Variants in SEPTIN7 observed in about 807,000 individuals in gnomAD.
SEPTIN7 encodes the protein septin 7.
A neutral mutation model predicts 63.3 loss-of-function variants in SEPTIN7; 10 were observed. That is an observed-to-expected ratio of 0.16 (90% CI 0.10 to 0.27). The LOEUF is 0.27. Among genes scored for constraint, SEPTIN7 ranks in the 10% least tolerant of loss-of-function variants. The probability of loss-of-function intolerance (pLI) is 1.00; values close to 1 mark genes in which losing one functional copy is unlikely to be tolerated. For synonymous variants in SEPTIN7, 131 were observed against 165.3 expected (o/e 0.79, Z 1.59); for missense variants, 310 against 521.0 (o/e 0.59, Z 3.94).
intron 3 of SEPTIN7, among the ~76,000 whole-genome samples, chr7:35,848,639 G>C (rs1784813070): frequency 6.6e-6 from 1 of 152,172 alleles, no homozygotes; most frequent in Admixed American, 6.6e-5. Context: ...ACTGTTTTCA[G>C]TTTAGCAAAA....
At chr7:35,907,348 A>C (rs1192894619), downstream of SEPTIN7, among the ~76,000 whole-genome samples, 2 of 152,146 alleles carry the variant, frequency 1.3e-5, no homozygotes, top group Admixed American at 6.5e-5. Flanking sequence ...TGTAATAAAA[A>C]CTTCCCATAA....
the SEPTIN7 span, among the ~76,000 whole-genome samples, chr7:35,915,385 G>A: frequency 2.0e-5 from 3 of 152,226 alleles, no homozygotes; most frequent in East Asian, 3.9e-4. Flanking sequence ...TATCTGAATT[G>A]TTTTCATTTT....
At chr7:35,912,261 A>G in the SEPTIN7 span, among the ~76,000 whole-genome samples, 3 of 152,240 alleles carry the variant, frequency 2.0e-5, no homozygotes, top group Non-Finnish European at 2.9e-5. Context: ...AAGGCAAGGA[A>G]CACCTGGCCT....
downstream of SEPTIN7, among the ~76,000 whole-genome samples, chr7:35,910,447 T>G (rs1008615024): frequency 2.6e-5 from 4 of 152,252 alleles, no homozygotes; most frequent in Non-Finnish European, 1.5e-5. Context: ...TTGAAGGTGC[T>G]GATAATGTTT....
intron 3 of SEPTIN7, among the ~76,000 whole-genome samples, chr7:35,848,968 G>T (rs1784825894): frequency 6.6e-6 from 1 of 152,172 alleles, no homozygotes; most frequent in Non-Finnish European, 1.5e-5. Context: ...GGTAATTATT[G>T]AGTAGCTGGT....
intron 6 of SEPTIN7, among the ~76,000 whole-genome samples, chr7:35,876,647 G>A (rs1786490819): frequency 6.6e-6 from 1 of 152,150 alleles, no homozygotes; most frequent in Non-Finnish European, 1.5e-5. Flanking sequence ...AGGCAACATA[G>A]TGAGATCCCA....
intron 13 of SEPTIN7, 100 bp from the exon 14 acceptor site, chr7:35,904,154 A>G: frequency 1.3e-6 from 1 of 788,288 alleles, no homozygotes; most frequent in South Asian, 3.3e-5. Context: ...GTATCTGAAA[A>G]TCCCAACATT....
At chr7:35,862,127 G>GAAGTA (rs1436302903) in intron 3 of SEPTIN7, among the ~76,000 whole-genome samples, 2 of 152,070 alleles carry the variant, frequency 1.3e-5, no homozygotes, top group Admixed American at 6.6e-5. Context: ...GAAGTTTACA[G>GAAGTA]CACCCAGAAG....
intron 10 of SEPTIN7, among the ~76,000 whole-genome samples, chr7:35,886,364 A>C (rs1251799721): frequency 6.6e-6 from 1 of 152,208 alleles, no homozygotes; most frequent in African/African-American, 2.4e-5. Flanking sequence ...TGTCTTACAC[A>C]CCTGCTGAAA....
At position 35,905,281 on chromosome 7, in the gene SEPTIN7, C is replaced by A. The variant is rs924158491; in HGVS notation, c.*988C>A. ...TTTTTTGTTTGTATTGTAAAAAATT[C>A]ACATAATAAACGATGTTGTGATGTA... On this transcript the variant is annotated 3_prime_UTR_variant, in exon 14 of 14. Transcript: ENST00000350320. The A allele has an allele frequency of 6.6e-6, 1 of 152,556 alleles. No individual in the cohort carries two copies. Among genetic ancestry groups the A allele is most frequent in the African/African-American group, 2.4e-5 (1 of 41,414 alleles). The allele number at this position is 152,556 out of a possible 1,614,324, so 9.5% of individuals were successfully genotyped here.
intron 1 of SEPTIN7, among the ~76,000 whole-genome samples, chr7:35,804,835 G>GTTTTTTTTTTTTTTT (rs57782019): frequency 8.1e-6 from 1 of 123,310 alleles, no homozygotes; most frequent in Non-Finnish European, 1.7e-5. Flanking sequence ...TTCTTTTTTT[G>GTTTTTTTTTTTTTTT]TTTTTTTTTT....
intron 4 of SEPTIN7, among the ~76,000 whole-genome samples, chr7:35,870,346 G>T (rs1786071452): frequency 6.6e-6 from 1 of 152,076 alleles, no homozygotes; most frequent in Non-Finnish European, 1.5e-5. Context: ...ATGTGTAATT[G>T]GTATACAGCA....
At chr7:35,841,796 A>G (rs1784418642) in intron 3 of SEPTIN7, among the ~76,000 whole-genome samples, 2 of 152,190 alleles carry the variant, frequency 1.3e-5, no homozygotes, top group Admixed American at 6.5e-5. Context: ...TCTCACATAG[A>G]AGACTCATTT....
At chr7:35,845,618 C>A (rs1435136970) in intron 3 of SEPTIN7, among the ~76,000 whole-genome samples, 2 of 152,168 alleles carry the variant, frequency 1.3e-5, no homozygotes, top group Non-Finnish European at 2.9e-5. Context: ...CACAATATGA[C>A]TTTTTACCTG....
At chr7:35,861,583 G>A (rs1429938146) in intron 3 of SEPTIN7, among the ~76,000 whole-genome samples, 1 of 152,286 alleles carries the variant, frequency 6.6e-6, no homozygotes, top group African/African-American at 2.4e-5. Flanking sequence ...GCTTTTGAAT[G>A]TCTTAATTTC....
intron 4 of SEPTIN7, among the ~76,000 whole-genome samples, chr7:35,868,331 G>C (rs2467050): frequency 0.14 from 21,120 of 152,196 alleles, 1,902 homozygotes; most frequent in East Asian, 0.27. Flanking sequence ...CCTGTTGACA[G>C]CTGGTCCAGT....
chr7:35,857,943 TTTTA>T (rs1785289459), intron 3 of SEPTIN7, among the ~76,000 whole-genome samples: 1 of 152,000 alleles, frequency 6.6e-6, no homozygotes, highest in Non-Finnish European at 1.5e-5. Context: ...CATGAACCAC[TTTTA>T]TTTCTTTTTT....
intron 6 of SEPTIN7, among the ~76,000 whole-genome samples, chr7:35,879,326 A>G (rs537332827): frequency 6.6e-6 from 1 of 152,178 alleles, no homozygotes; most frequent in South Asian, 2.1e-4. Context: ...TCTACAAAAA[A>G]TACAAAAATT....
intron 1 of SEPTIN7, among the ~76,000 whole-genome samples, chr7:35,829,253 C>T (rs775298093): frequency 1.3e-5 from 2 of 150,372 alleles, no homozygotes; most frequent in African/African-American, 2.5e-5. Flanking sequence ...CATTCTCCTG[C>T]CTCAGCCTCC....
Sources: allele counts gnomAD v4.1 joint callset (sites outside exome capture counted in the v4.1 genomes callset), GRCh38; gene constraint gnomAD v4.1.1; transcripts MANE v1.5; gene names NCBI Gene and HGNC (gene_info 2026-07-23, HGNC 2026-07-21).